SOCS4: variants seen among roughly 807,000 people sequenced by gnomAD.
SOCS4 encodes the protein suppressor of cytokine signaling 4, also known as SH2 domain containing SOCS box protein.
SOCS4 carries 20 observed loss-of-function variants against 34.1 expected under a neutral mutation model. The observed-to-expected ratio is 0.59, with a 90% CI of 0.41 to 0.85. The LOEUF is 0.85. Among genes scored for constraint, SOCS4 ranks in the 40% least tolerant of loss-of-function variants. The probability of loss-of-function intolerance (pLI) is 0.00; values close to 1 mark genes in which losing one functional copy is unlikely to be tolerated. For missense variants in SOCS4, 479 were observed against 532.4 expected (o/e 0.90, Z 0.99); for synonymous variants, 180 against 186.4 (o/e 0.97, Z 0.28).
chr14:55,034,070 G>T (rs1166907887), intron 2 of SOCS4, among the ~76,000 whole-genome samples: 2 of 152,180 alleles, frequency 1.3e-5, no homozygotes, highest in African/African-American at 4.8e-5. Context: ...GGAGGTGGAG[G>T]TGCAGTGAGC....
At chr14:55,041,781 A>ATTTTTTTTTTTTTTTTTT (rs2042620490) in intron 2 of SOCS4, among the ~76,000 whole-genome samples, 1 of 72,870 alleles carries the variant, frequency 1.4e-5, no homozygotes, top group Non-Finnish European at 2.7e-5. Flanking sequence ...CCAACCCTTA[A>ATTTTTTTTTTTTTTTTTT]TCTTTTTTTT....
At position 55,043,413 on chromosome 14, in the gene SOCS4, C is replaced by G. The variant is rs774485709; in HGVS notation, c.372C>G (p.Ile124Met). Residue 124 changes from isoleucine to methionine, a missense_variant, in exon 3 of 3, where the codon ATC becomes ATG. Coordinates refer to ENST00000555846, the MANE Select transcript of SOCS4 (RefSeq NM_199421.2). Reference sequence around the variant, plus strand: ...TTCCGTCTAAAAGGAAAATTCATATCAGTGAACTCATGTTAGATAAGTGTC... The same window carrying G: ...TTCCGTCTAAAAGGAAAATTCATATGAGTGAACTCATGTTAGATAAGTGTC... ...SGLPSKRKIH[I>M]SELMLDKCPF... 2 of 1,614,046 alleles carry G rather than the reference C, an allele frequency of 1.2e-6. No homozygotes were observed. Among genetic ancestry groups the G allele is most frequent in the African/African-American group, 1.3e-5 (1 of 74,928 alleles).
In SOCS4 at chr14:55,043,143, A is replaced by G. The variant is rs2042635008; in HGVS notation, c.102A>G (p.Gly34=). 4 of 1,614,140 alleles carry G rather than the reference A, an allele frequency of 2.5e-6. No homozygotes were observed. The highest frequency in any genetic ancestry group is 1.7e-5 in the Admixed American group (1 of 60,004). Residue 34 remains glycine, a synonymous_variant, in exon 3 of 3, where the codon GGA becomes GGG. Transcript: ENST00000555846. ...GAAAAGACGGTTATGTGTGGAGTGG[A>G]AAGAAGTTATCTTGGTCAAAAAAGA... ...ADRKDGYVWS[G]KKLSWSKKSE...
chr14:55,029,423 G>C lies in SOCS4; in HGVS notation c.-220+1952G>C, dbSNP rs530039873. 3.9e-5 allele frequency among the ~76,000 whole-genome samples: 6 copies of C among 152,254 alleles called. No individual in the cohort carries two copies. In the East Asian group the frequency reaches 1.2e-3, roughly 29 times the overall value. On this transcript the variant is annotated intron_variant, in intron 1 of 2. Coordinates refer to ENST00000555846, the MANE Select transcript of SOCS4 (RefSeq NM_199421.2). The stretch of plus-strand genomic sequence containing the variant: ...CCAAAGTCACAGATTGAATTGCAGT[G>C]ATGGTTAGTTAGCTTTGCTGTGTTG...
At position 55,047,394 on chromosome 14, in the gene SOCS4, G is replaced by A. The variant is rs1216849629; in HGVS notation, c.*3030G>A. On this transcript the variant is annotated 3_prime_UTR_variant, in exon 3 of 3. Coordinates refer to ENST00000555846, the MANE Select transcript of SOCS4 (RefSeq NM_199421.2). Reference sequence around the variant, plus strand: ...CATCTTGATTCATAGTATAATTCCTGAAGTATGCTGAATGGACTTTTTAAG... The same window carrying A: ...CATCTTGATTCATAGTATAATTCCTAAAGTATGCTGAATGGACTTTTTAAG... 1.2e-5 allele frequency: 2 copies of A among 166,980 alleles called. No individual in the cohort carries two copies. The highest frequency in any genetic ancestry group is 4.8e-5 in the African/African-American group (2 of 41,428). 10.3% of individuals were successfully genotyped at this position (166,980 alleles called of 1,614,324 possible).
In SOCS4 at chr14:55,043,235, A is replaced by T. The variant is rs1356484404; in HGVS notation, c.194A>T (p.Gln65Leu). 8 of 1,614,252 alleles carry T rather than the reference A, an allele frequency of 5.0e-6. No homozygotes were observed. The highest frequency in any genetic ancestry group is 5.9e-6 in the Non-Finnish European group (7 of 1,180,042). Residue 65 changes from glutamine (Q) to leucine (L), a missense_variant, in exon 3 of 3, where the codon CAA becomes CTA. By Grantham distance (113) the Gln-to-Leu change is moderately radical. Transcript: ENST00000555846. The part of the protein sequence containing the change: ...IEKTEVSLRN[Q>L]ERKHSCSSIE... ...AAAACCGAAGTGTCTTTAAGGAACC[A>T]AGAAAGGAAGCACAGCTGTTCATCC...
Position 55,027,337 on chromosome 14 carries a change from AT to A in SOCS4, c.-353del. On this transcript the variant is annotated 5_prime_UTR_variant, in exon 1 of 3. An upstream open reading frame in the 5' UTR loses its in-frame stop. Coordinates refer to ENST00000555846, the MANE Select transcript of SOCS4 (RefSeq NM_199421.2). The stretch of plus-strand genomic sequence containing the variant: ...GCGGGGTTGGGGGTGGCAGAAAAGC[AT>A]CTGCTTTGTAAGACCTACACGAGGT... 5.8e-5 allele frequency: 10 copies of A among 173,742 alleles called. No individual in the cohort carries two copies. Among genetic ancestry groups the A allele is most frequent in the South Asian group, 4.2e-4 (3 of 7,216 alleles). The allele number at this position is 173,742 out of a possible 1,614,324, so 10.8% of individuals were successfully genotyped here. A position where few individuals can be genotyped will look rare whatever the true frequency, so the allele number is the denominator to read the frequency against.
chr14:55,033,160 C>CT (rs985626151), intron 2 of SOCS4, among the ~76,000 whole-genome samples: 3 of 151,214 alleles, frequency 2.0e-5, no homozygotes, highest in African/African-American at 4.9e-5. Context: ...GAACCCTACA[C>CT]TTTTTTTTTA....
intron 1 of SOCS4, among the ~76,000 whole-genome samples, chr14:55,029,840 A>G (rs1258819878): frequency 1.3e-5 from 2 of 152,152 alleles, no homozygotes; most frequent in Non-Finnish European, 2.9e-5. Context: ...ACTTGTCTGT[A>G]TGTATACTTA....
intron 2 of SOCS4, among the ~76,000 whole-genome samples, chr14:55,033,911 T>A (rs2042549890): frequency 6.6e-6 from 1 of 152,194 alleles, no homozygotes; most frequent in South Asian, 2.1e-4. Context: ...GGTGGGTGGA[T>A]CATTTGAGGT....
chr14:55,046,871 A>G lies in SOCS4; in HGVS notation c.*2507A>G, dbSNP rs978366905. On this transcript the variant is annotated 3_prime_UTR_variant, in exon 3 of 3. Transcript: ENST00000555846. ...AACATTAAGGAATTGGAATTCAGAAAGGTTACCCCCTTCCTCTGTGTCTTT... is the reference window on the plus strand; with the variant it reads ...AACATTAAGGAATTGGAATTCAGAAGGGTTACCCCCTTCCTCTGTGTCTTT... 1.2e-5 allele frequency: 2 copies of G among 167,082 alleles called. No homozygotes were observed. Among genetic ancestry groups the G allele is most frequent in the African/African-American group, 4.8e-5 (2 of 41,462 alleles). The allele number at this position is 167,082 out of a possible 1,614,324, so 10.3% of individuals were successfully genotyped here. A position where few individuals can be genotyped will look rare whatever the true frequency, so the allele number is the denominator to read the frequency against.
At chr14:55,030,418 A>C (rs1029446255) in intron 1 of SOCS4, among the ~76,000 whole-genome samples, 1 of 152,150 alleles carries the variant, frequency 6.6e-6, no homozygotes, top group African/African-American at 2.4e-5. Flanking sequence ...GCTTTGTGAT[A>C]TTTCAGAAAT....
At position 55,044,175 on chromosome 14, in the gene SOCS4, C is replaced by T; in HGVS notation, c.1134C>T (p.Ser378=). The change falls in exon 3 of 3, where the codon TCC becomes TCT. Residue 378 remains serine, a synonymous_variant. Coordinates refer to ENST00000555846, the MANE Select transcript of SOCS4 (RefSeq NM_199421.2). The part of the protein sequence containing the change: ...SACMFFEPLL[S]TPLIRTFPFS... ...GTATGTTCTTTGAACCACTTCTATC[C>T]ACTCCCTTAATTCGGACTTTCCCTT... 4 of 1,614,088 alleles carry T rather than the reference C, an allele frequency of 2.5e-6. No homozygotes were observed. The highest frequency in any genetic ancestry group is 3.4e-6 in the Non-Finnish European group (4 of 1,179,986).
intron 2 of SOCS4, among the ~76,000 whole-genome samples, chr14:55,036,151 G>C (rs909766695): frequency 6.6e-6 from 1 of 152,126 alleles, no homozygotes; most frequent in African/African-American, 2.4e-5. Context: ...TGGGATTATG[G>C]ATATATTTAC....
At position 55,043,096 on chromosome 14, in the gene SOCS4, A is replaced by G; in HGVS notation, c.55A>G (p.Ser19Gly). 7.4e-6 allele frequency: 12 copies of G among 1,613,928 alleles called. No individual in the cohort carries two copies. Among genetic ancestry groups the G allele is most frequent in the Non-Finnish European group, 1.0e-5 (12 of 1,179,774 alleles). ...AAATGTAGATGTAAGGCCCAAAACTAGTCGGAGCAGAAGTGCCGACAGAAA... is the reference window on the plus strand; with the variant it reads ...AAATGTAGATGTAAGGCCCAAAACTGGTCGGAGCAGAAGTGCCGACAGAAA... ...SKNVDVRPKT[S>G]RSRSADRKDG... The change falls in exon 3 of 3, where the codon AGT (serine) becomes GGT (glycine). Residue 19 changes from serine to glycine, a missense_variant. Coordinates refer to ENST00000555846, the MANE Select transcript of SOCS4 (RefSeq NM_199421.2).
At position 55,043,600 on chromosome 14, in the gene SOCS4, T is replaced by C; in HGVS notation, c.559T>C (p.Cys187Arg). ...AAGAAATATGGAAGAAAATATAAAC[T>C]GTTTCTCACATACCAATGTTCAGCC... is the stretch of plus-strand genomic sequence containing the variant. ...KRRNMEENIN[C>R]FSHTNVQPCV... The change falls in exon 3 of 3, where the codon TGT (cysteine) becomes CGT (arginine). Residue 187 changes from cysteine (C) to arginine (R), a missense_variant. By Grantham distance (180) the Cys-to-Arg change is radical. Transcript: ENST00000555846. The C allele has an allele frequency of 6.2e-7, 1 of 1,614,180 alleles. No homozygotes were observed. The highest frequency in any genetic ancestry group is 8.5e-7 in the Non-Finnish European group (1 of 1,180,022).
rs2042682268 is a variant in SOCS4 at position 55,046,952 on chromosome 14, T to TATATAAA, written c.*2589_*2590insTATAAAA. On this transcript the variant is annotated 3_prime_UTR_variant, in exon 3 of 3. Coordinates refer to ENST00000555846, the MANE Select transcript of SOCS4 (RefSeq NM_199421.2). ...TTCAGAAACTAACCTATATAAAATG[T>TATATAAA]AAACAATATATTGATTGCACTATAT... is the stretch of plus-strand genomic sequence containing the variant. 6.0e-6 allele frequency: 1 copy of TATATAAA among 167,052 alleles called. No individual in the cohort carries two copies. Among genetic ancestry groups the TATATAAA allele is most frequent in the Non-Finnish European group, 1.5e-5 (1 of 68,084 alleles). 10.3% of individuals were successfully genotyped at this position (167,052 alleles called of 1,614,324 possible).
chr14:55,033,892 G>C (rs2042549685), intron 2 of SOCS4, among the ~76,000 whole-genome samples: 1 of 152,232 alleles, frequency 6.6e-6, no homozygotes, highest in Non-Finnish European at 1.5e-5. Flanking sequence ...CAGCACTTTG[G>C]GTGGCCGAGG....
chr14:55,040,266 T>C (rs751720762), intron 2 of SOCS4, among the ~76,000 whole-genome samples: 17 of 152,206 alleles, frequency 1.1e-4, no homozygotes, highest in Admixed American at 3.3e-4. Context: ...TAAATCAAAA[T>C]ACAGTTGTCT....
Sources: allele counts gnomAD v4.1 joint callset (sites outside exome capture counted in the v4.1 genomes callset), GRCh38; gene constraint gnomAD v4.1.1; transcripts MANE v1.5; gene names NCBI Gene and HGNC (gene_info 2026-07-23, HGNC 2026-07-21).